PTN: variants seen among roughly 807,000 people sequenced by gnomAD.
PTN encodes heparin affin regulatory protein.
Under a neutral mutation model 24.1 loss-of-function variants are expected in PTN, and 18 were observed. The ratio of observed to expected loss-of-function variants is 0.75; its 90% CI spans 0.52 to 1.11. The LOEUF (loss-of-function observed/expected upper bound fraction) is 1.11. Ranked by LOEUF, PTN falls within the 50% of genes least tolerant of loss-of-function variation. The pLI is 0.00. For missense variants in PTN, 163 were observed against 198.8 expected (o/e 0.82, Z 1.08); for synonymous variants, 78 against 68.6 (o/e 1.14, Z -0.67).
intron 1 of PTN, among the ~76,000 whole-genome samples, chr7:137,305,715 G>T (rs970331643): frequency 6.6e-6 from 1 of 152,028 alleles, no homozygotes; most frequent in African/African-American, 2.4e-5. Context: ...ATTGGAAAAA[G>T]ATAAAGAGGC....
At chr7:137,283,584 T>C (rs1388106296) in intron 1 of PTN, among the ~76,000 whole-genome samples, 3 of 152,166 alleles carry the variant, frequency 2.0e-5, no homozygotes, top group South Asian at 2.1e-4. Context: ...GAACATTACA[T>C]GAGGTTAGTT....
chr7:137,330,235 G>A (rs1242827673), intron 1 of PTN, among the ~76,000 whole-genome samples: 1 of 151,948 alleles, frequency 6.6e-6, no homozygotes, highest in African/African-American at 2.4e-5. Context: ...GCAGTGAGCT[G>A]AAATCGTGCC....
intron 1 of PTN, among the ~76,000 whole-genome samples, chr7:137,262,094 A>G (rs1809049968): frequency 6.6e-6 from 1 of 152,132 alleles, no homozygotes; most frequent in African/African-American, 2.4e-5. Flanking sequence ...TTCCCTTATA[A>G]ATATAGTATT....
chr7:137,255,604 C>A (rs1808908080), intron 1 of PTN, among the ~76,000 whole-genome samples: 1 of 152,216 alleles, frequency 6.6e-6, no homozygotes, highest in African/African-American at 2.4e-5. Context: ...TGATACATAT[C>A]AAACACAATG....
At chr7:137,232,916 C>T (rs1333042067) in intron 4 of PTN, among the ~76,000 whole-genome samples, 3 of 151,918 alleles carry the variant, frequency 2.0e-5, no homozygotes, top group Non-Finnish European at 4.4e-5. Context: ...TGAAGAGGTG[C>T]CTTCCGCCAT....
chr7:137,326,723 C>T (rs1810267948), intron 1 of PTN: 1 of 152,176 alleles, frequency 6.6e-6, no homozygotes, highest in African/African-American at 2.4e-5. Flanking sequence ...CCTGAATCCA[C>T]CCTCAGCTGA....
chr7:137,335,037 C>G (rs1177338), intron 1 of PTN, among the ~76,000 whole-genome samples: 44,147 of 107,314 alleles, frequency 0.41, 8,692 homozygotes, highest in South Asian at 0.47. Context: ...ACTCTGGGGA[C>G]TGTTGTGGGG....
chr7:137,249,204 C>A (rs576652473), intron 4 of PTN, among the ~76,000 whole-genome samples: 10 of 151,904 alleles, frequency 6.6e-5, no homozygotes, highest in Non-Finnish European at 1.0e-4. Flanking sequence ...CTAATCATGT[C>A]CCCACTTTTT....
intron 1 of PTN, among the ~76,000 whole-genome samples, chr7:137,268,872 T>A (rs980576003): frequency 1.3e-5 from 2 of 152,264 alleles, no homozygotes; most frequent in African/African-American, 4.8e-5. Flanking sequence ...TTCCTAGTTC[T>A]GTCACCTCAT....
chr7:137,245,164 A>G (rs1299903467), intron 4 of PTN, among the ~76,000 whole-genome samples: 1 of 152,234 alleles, frequency 6.6e-6, no homozygotes, highest in Non-Finnish European at 1.5e-5. Context: ...TAAGCAAAGA[A>G]GTTCTCTAAA....
In PTN at chr7:137,320,633, AT is replaced by A. The variant is rs199549710; in HGVS notation, c.-2+22805del. 1.1e-4 allele frequency among the ~76,000 whole-genome samples: 17 copies of A among 152,012 alleles called. No individual in the cohort carries two copies. The South Asian group carries it at 1.2e-3, about 11-fold the overall frequency. ...GAAAGAGGATTAAAGCAAAATTTTG[AT>A]TTTTTTTTAAAAAAGGATTCCAAAT... On this transcript the variant is annotated intron_variant, in intron 1 of 4. Transcript: ENST00000348225.
chr7:137,274,859 C>T (rs985085360), intron 1 of PTN, among the ~76,000 whole-genome samples: 4 of 152,070 alleles, frequency 2.6e-5, no homozygotes, highest in African/African-American at 9.7e-5. Flanking sequence ...CATAAGAGGC[C>T]TATTTTAATA....
chr7:137,304,343 C>G (rs1040266543), intron 1 of PTN, among the ~76,000 whole-genome samples: 1 of 151,854 alleles, frequency 6.6e-6, no homozygotes, highest in African/African-American at 2.4e-5. Context: ...TGCCTCCCAC[C>G]CTGCTGCTCT....
intron 1 of PTN, among the ~76,000 whole-genome samples, chr7:137,283,951 G>GTTTTT (rs1228347789): frequency 1.4e-5 from 1 of 70,078 alleles, no homozygotes; most frequent in Non-Finnish European, 2.8e-5. Context: ...ATGAGCATCA[G>GTTTTT]ATTTTTTTTT....
chr7:137,285,264 C>G lies in PTN; in HGVS notation c.-1-30290G>C, dbSNP rs1358028898. Among the ~76,000 whole-genome samples, 5 of 151,988 alleles carry G rather than the reference C, an allele frequency of 3.3e-5. 1 individual carries two copies. Among genetic ancestry groups the G allele is most frequent in the Admixed American group, 2.6e-4 (4 of 15,266 alleles). On this transcript the variant is annotated intron_variant, in intron 1 of 4. Transcript: ENST00000348225. ...ATAGATAATAGGATACAGAATTAAC[C>G]CTGATTATAATATAATGTACCTGAT...
rs373389558 is a variant in PTN, at chr7:137,284,027, C to T, written c.-1-29053G>A. ...TGTCGCCCAGGCTGGAGTGCAGTGGCGAGATCTCGGCTCACTGCAAGCTCC... is the reference window on the plus strand; with the variant it reads ...TGTCGCCCAGGCTGGAGTGCAGTGGTGAGATCTCGGCTCACTGCAAGCTCC... On this transcript the variant is annotated intron_variant, in intron 1 of 4. Transcript: ENST00000348225. 3.1e-3 allele frequency among the ~76,000 whole-genome samples: 369 copies of T among 117,648 alleles called. 2 individuals carry two copies. The highest frequency in any genetic ancestry group is 0.012 in the African/African-American group (356 of 30,148). The allele number at this position is 117,648 out of a possible 152,430, so 77.2% of individuals were successfully genotyped here.
At chr7:137,341,918 C>T (rs1238203917) in intron 1 of PTN, among the ~76,000 whole-genome samples, 1 of 151,812 alleles carries the variant, frequency 6.6e-6, no homozygotes, top group African/African-American at 2.4e-5. Flanking sequence ...ACAAATATTG[C>T]CAGTCTGAAA....
chr7:137,250,904 T>C (rs1029430752), intron 4 of PTN, among the ~76,000 whole-genome samples: 4 of 152,224 alleles, frequency 2.6e-5, no homozygotes, highest in Non-Finnish European at 4.4e-5. Context: ...AGTTTGTTTT[T>C]CTTGTCAGGA....
At chr7:137,334,442 ATGCTCACCAT>A (rs1810412470) in intron 1 of PTN, among the ~76,000 whole-genome samples, 1 of 84,344 alleles carries the variant, frequency 1.2e-5, no homozygotes, top group South Asian at 5.0e-4. Flanking sequence ...ACATGAAAAA[ATGCTCACCAT>A]CACTGGCCAT....
Sources: allele counts gnomAD v4.1 joint callset (sites outside exome capture counted in the v4.1 genomes callset), GRCh38; gene constraint gnomAD v4.1.1; transcripts MANE v1.5; gene names NCBI Gene and HGNC (gene_info 2026-07-23, HGNC 2026-07-21).